DOCK7: variants seen among roughly 807,000 people sequenced by gnomAD.
The protein encoded by DOCK7 is dedicator of cytokinesis protein 7.
Under a neutral mutation model 271.0 loss-of-function variants are expected in DOCK7, and 138 were observed. That is an observed-to-expected ratio of 0.51 (90% confidence interval 0.44 to 0.59). DOCK7 has a LOEUF of 0.59. Among genes scored for constraint, DOCK7 ranks in the 20% least tolerant of loss-of-function variants. The pLI is 0.00. For synonymous variants in DOCK7, 823 were observed against 876.1 expected, an observed-to-expected ratio of 0.94 and a Z score of 1.07; for missense variants, 2,066 against 2,592.4, an observed-to-expected ratio of 0.80 and a Z score of 4.41.
At chr1:62,519,153 A>T (rs1295290267) in intron 31 of DOCK7, among the ~76,000 whole-genome samples, 1 of 152,178 alleles carries the variant, frequency 6.6e-6, no homozygotes, top group Non-Finnish European at 1.5e-5. Context: ...TCAGGCCTCA[A>T]AAGAAACAAA....
chr1:62,510,555 A>G, intron 34 of DOCK7, 22 bp downstream of exon 34: 1 of 1,590,828 alleles, frequency 6.3e-7, no homozygotes, highest in Non-Finnish European at 8.6e-7. Context: ...CATCAGTAAC[A>G]TAAAATAGAA....
rs182416074 is a variant in DOCK7 at position 62,521,349 on chromosome 1, T to C, written c.3936+6802A>G. 3.3e-5 allele frequency among the ~76,000 whole-genome samples: 5 copies of C among 151,824 alleles called. No homozygotes were observed. In the East Asian group the frequency reaches 9.7e-4, roughly 29 times the overall value. On this transcript the variant is annotated intron_variant, in intron 31 of 49. Transcript: ENST00000635253. ...AAAATACATATCAAAAAAGAAAGGA[T>C]GAAAATTAGTGAGTTAAGCATCTAT...
At chr1:62,637,657 CAT>C (rs1655447136) in intron 7 of DOCK7, among the ~76,000 whole-genome samples, 1 of 152,162 alleles carries the variant, frequency 6.6e-6, no homozygotes, top group African/African-American at 2.4e-5. Context: ...AAATACACAA[CAT>C]ATTTACATTA....
At chr1:62,591,677 A>C (rs1371730053) in intron 14 of DOCK7, among the ~76,000 whole-genome samples, 2 of 152,136 alleles carry the variant, frequency 1.3e-5, no homozygotes, top group African/African-American at 4.8e-5. Context: ...AAATCTCCAC[A>C]TTTGGATTAC....
Position 62,548,652 on chromosome 1 carries a change from C to A in DOCK7, c.2767-3613G>T, listed in dbSNP as rs1571496742. On this transcript the variant is annotated intron_variant, in intron 22 of 49. Transcript: ENST00000635253. ...GTCAGGCTGGTCTCGAACTCCCAACCTCAGGTGATCCACCTGCCTCAGCCT... is the reference window on the plus strand; with the variant it reads ...GTCAGGCTGGTCTCGAACTCCCAACATCAGGTGATCCACCTGCCTCAGCCT... Among the ~76,000 whole-genome samples, 3 of 152,140 alleles carry A rather than the reference C, an allele frequency of 2.0e-5. No individual in the cohort carries two copies. The East Asian group carries it at 5.8e-4, about 29-fold the overall frequency.
At chr1:62,468,360 C>CCA (rs772790402) in intron 48 of DOCK7, among the ~76,000 whole-genome samples, 2 of 93,082 alleles carry the variant, frequency 2.1e-5, no homozygotes, top group Non-Finnish European at 4.5e-5. Flanking sequence ...GACTCTGTCT[C>CCA]AAAAAAAAAA....
intron 9 of DOCK7, 118 bp from the exon 10 acceptor site, chr1:62,633,696 T>A (rs1654905081): frequency 1.5e-6 from 1 of 675,576 alleles, no homozygotes; most frequent in Non-Finnish European, 2.6e-6. Context: ...ATATATGACA[T>A]CTCAATTGCT....
At position 62,597,360 on chromosome 1, in the gene DOCK7, T is replaced by A. The variant is rs546741644; in HGVS notation, c.1683-10736A>T. 3 of 514,346 alleles carry A rather than the reference T, an allele frequency of 5.8e-6. No homozygotes were observed. In the East Asian group the frequency reaches 9.4e-5, roughly 16 times the overall value. The allele number at this position is 514,346 out of a possible 1,614,324, so 31.9% of individuals were successfully genotyped here. A position where few individuals can be genotyped will look rare whatever the true frequency, so the allele number is the denominator to read the frequency against. On this transcript the variant is annotated intron_variant, in intron 14 of 49. Transcript: ENST00000635253. ...AATTACCTATTAAGTTAGTTGCTCA[T>A]TTCTTTGATTTCATTTAGCATTGAT...
intron 33 of DOCK7, 37 bp from the exon 34 acceptor site, chr1:62,510,710 A>T: frequency 6.6e-7 from 1 of 1,519,348 alleles, no homozygotes; most frequent in Non-Finnish European, 9.1e-7. Context: ...TTCAAATGTT[A>T]TTTCAGTTGG....
chr1:62,662,944 A>G (rs1658838176), intron 2 of DOCK7, 81 bp downstream of exon 2: 1 of 1,106,790 alleles, frequency 9.0e-7, no homozygotes, highest in African/African-American at 1.6e-5. Context: ...GAACCCAATT[A>G]GCTCTTATCT....
intron 11 of DOCK7, 63 bp from the exon 12 acceptor site, chr1:62,625,464 T>C: frequency 6.8e-7 from 1 of 1,478,504 alleles, no homozygotes. Context: ...TAAAGTAGCT[T>C]TCCAAACACA....
intron 48 of DOCK7, among the ~76,000 whole-genome samples, chr1:62,464,061 C>A (rs1645605207): frequency 6.6e-6 from 1 of 151,972 alleles, no homozygotes; most frequent in Non-Finnish European, 1.5e-5. Flanking sequence ...GTAATAAAAG[C>A]CATTTTCTTT....
chr1:62,661,613 T>C (rs1372160898), intron 2 of DOCK7, among the ~76,000 whole-genome samples: 1 of 152,004 alleles, frequency 6.6e-6, no homozygotes, highest in Non-Finnish European at 1.5e-5. Flanking sequence ...AAATACTCAG[T>C]GAAAATAATG....
chr1:62,476,332 T>TG (rs1645967480), intron 44 of DOCK7, 176 bp from the exon 45 acceptor site: 1 of 526,434 alleles, frequency 1.9e-6, no homozygotes, highest in South Asian at 3.1e-5. Flanking sequence ...TAAATTAGCA[T>TG]GGTCTCGGTC....
At chr1:62,455,904 TG>T (rs1416536261) in intron 49 of DOCK7, among the ~76,000 whole-genome samples, 1 of 152,186 alleles carries the variant, frequency 6.6e-6, no homozygotes, top group African/African-American at 2.4e-5. Flanking sequence ...TATATATGGA[TG>T]TTTATCATAT....
At position 62,543,647 on chromosome 1, in the gene DOCK7, T is replaced by C. The variant is rs2149401665; in HGVS notation, c.2949+9A>G. On this transcript the variant is annotated intron_variant, in intron 24 of 49. Coordinates refer to ENST00000635253, the MANE Select transcript of DOCK7 (RefSeq NM_001367561.1). ...TCCCCCTCTATGAATTGTCTTCATATGAATCTACCTTTTTAGTTGGTAAGC... is the reference window on the plus strand; with the variant it reads ...TCCCCCTCTATGAATTGTCTTCATACGAATCTACCTTTTTAGTTGGTAAGC... 3 of 1,590,250 alleles carry C rather than the reference T, an allele frequency of 1.9e-6. No homozygotes were observed. The highest frequency in any genetic ancestry group is 2.6e-6 in the Non-Finnish European group (3 of 1,161,590).
chr1:62,688,274 G>A lies in DOCK7; in HGVS notation c.-10C>T. 3.1e-6 allele frequency: 4 copies of A among 1,289,942 alleles called. No individual in the cohort carries two copies. The highest frequency in any genetic ancestry group is 3.6e-5 in the Admixed American group (1 of 28,054). 79.9% of individuals were successfully genotyped at this position (1,289,942 alleles called of 1,614,324 possible). A position where few individuals can be genotyped will look rare whatever the true frequency, so the allele number is the denominator to read the frequency against. On this transcript the variant is annotated 5_prime_UTR_variant, in exon 1 of 50. Transcript: ENST00000635253. ...CGCGGCGCTCGGCCATGGCTGCTGC[G>A]GCGACGGCGACGGCGGCGGCGGCTG...
At chr1:62,652,397 T>C (rs1445727987) in intron 4 of DOCK7, among the ~76,000 whole-genome samples, 1 of 152,138 alleles carries the variant, frequency 6.6e-6, no homozygotes, top group Non-Finnish European at 1.5e-5. Context: ...TCTAGTATAA[T>C]AGAAAAAAAT....
chr1:62,481,113 T>C (rs547222667), intron 43 of DOCK7, among the ~76,000 whole-genome samples: 2 of 151,540 alleles, frequency 1.3e-5, no homozygotes, highest in Non-Finnish European at 2.9e-5. Flanking sequence ...CTTATTCATG[T>C]GAATCCCTGA....
Sources: gnomAD v4.1 joint callset for allele counts (sites outside exome capture counted in the v4.1 genomes callset) on GRCh38, gnomAD v4.1.1 for gene constraint, MANE v1.5 for transcripts, NCBI Gene and HGNC (gene_info 2026-07-23, HGNC 2026-07-21) for gene names.